Variants in ZFHX3 observed in about 807,000 individuals in gnomAD.
ZFHX3 encodes zinc finger homeobox protein 3.
Under a neutral mutation model 279.1 loss-of-function variants are expected in ZFHX3, and 42 were observed. The ratio of observed to expected loss-of-function variants is 0.15; its 90% CI spans 0.12 to 0.19. The LOEUF is 0.19. ZFHX3 is among the 10% of genes least tolerant of loss of function. ZFHX3 has a pLI of 1.00. For missense variants in ZFHX3, 4,981 were observed against 4,754.0 expected, an observed-to-expected ratio of 1.05 and a Z score of -1.40; for synonymous variants, 2,293 against 1,957.8, an observed-to-expected ratio of 1.17 and a Z score of -4.52.
chr16:73,530,113 G>T (rs971689514), intron 2 of ZFHX3, among the ~76,000 whole-genome samples: 3 of 152,188 alleles, frequency 2.0e-5, no homozygotes, highest in Non-Finnish European at 4.4e-5. Flanking sequence ...CGTGGCTGGG[G>T]AGGCCTCACA....
chr16:73,748,049 G>T (rs1483264782), intron 1 of ZFHX3, among the ~76,000 whole-genome samples: 1 of 152,052 alleles, frequency 6.6e-6, no homozygotes, highest in Non-Finnish European at 1.5e-5. Context: ...AAAGATGTTG[G>T]GGATAATAGT....
intron 5 of ZFHX3, among the ~76,000 whole-genome samples, chr16:73,213,876 C>T: frequency 6.6e-6 from 1 of 152,178 alleles, no homozygotes. Flanking sequence ...GAAGATGGCT[C>T]TCCTATTCCT....
chr16:73,200,672 C>T (rs927847042), intron 5 of ZFHX3, among the ~76,000 whole-genome samples: 1 of 152,118 alleles, frequency 6.6e-6, no homozygotes, highest in African/African-American at 2.4e-5. Flanking sequence ...AAACAATGAA[C>T]CTAACCAATT....
chr16:72,883,003 T>G (rs952686257), intron 4 of ZFHX3, among the ~76,000 whole-genome samples: 9 of 138,184 alleles, frequency 6.5e-5, no homozygotes, highest in Non-Finnish European at 6.3e-5. Context: ...TGTGTGTGTG[T>G]GTGTGTGTGT....
At chr16:72,926,582 G>A (rs1051784177) in intron 3 of ZFHX3, among the ~76,000 whole-genome samples, 13 of 152,196 alleles carry the variant, frequency 8.5e-5, no homozygotes, top group Non-Finnish European at 1.6e-4. Flanking sequence ...GATACTAATT[G>A]TTTTAATATG....
chr16:73,255,691 A>G (rs2013644177), intron 5 of ZFHX3, among the ~76,000 whole-genome samples: 1 of 152,188 alleles, frequency 6.6e-6, no homozygotes, highest in African/African-American at 2.4e-5. Context: ...TTGTATTTCA[A>G]AGCCAGGATT....
At chr16:73,524,733 G>A (rs1358059577) in intron 2 of ZFHX3, among the ~76,000 whole-genome samples, 2 of 152,160 alleles carry the variant, frequency 1.3e-5, no homozygotes, top group Non-Finnish European at 2.9e-5. Flanking sequence ...CTCTAGATGC[G>A]ACTCTTATTA....
intron 4 of ZFHX3, among the ~76,000 whole-genome samples, chr16:72,861,045 G>A (rs2037878006): frequency 6.6e-6 from 1 of 152,126 alleles, no homozygotes. Flanking sequence ...GTCAGCAGAT[G>A]CTTTTCTCAC....
intron 2 of ZFHX3, among the ~76,000 whole-genome samples, chr16:73,626,938 G>A (rs77210119): frequency 0.052 from 7,946 of 152,156 alleles, 724 homozygotes; most frequent in African/African-American, 0.18. Flanking sequence ...TAGCATCTGG[G>A]ATAAAGAGGG....
chr16:73,096,738 G>A (rs1966168932), intron 7 of ZFHX3, among the ~76,000 whole-genome samples: 1 of 152,000 alleles, frequency 6.6e-6, no homozygotes, highest in Non-Finnish European at 1.5e-5. Flanking sequence ...TTCTGATGGT[G>A]GGAAGGGAGT....
chr16:73,326,975 C>T (rs1597285708), intron 3 of ZFHX3, among the ~76,000 whole-genome samples: 1 of 152,294 alleles, frequency 6.6e-6, no homozygotes, highest in Admixed American at 6.5e-5. Flanking sequence ...AAGAATAGGA[C>T]ATAAACATTC....
At chr16:72,852,760 T>C (rs541749225) in intron 4 of ZFHX3, among the ~76,000 whole-genome samples, 5 of 152,338 alleles carry the variant, frequency 3.3e-5, no homozygotes, top group African/African-American at 7.2e-5. Flanking sequence ...AGAGTGGCAG[T>C]TGATAACCTA....
At chr16:73,824,172 C>T (rs993139815) in intron 1 of ZFHX3, among the ~76,000 whole-genome samples, 2 of 152,150 alleles carry the variant, frequency 1.3e-5, no homozygotes, top group South Asian at 2.1e-4. Context: ...TCCTACTGTG[C>T]TTTGGAAATC....
chr16:73,386,167 T>C (rs2016898404), intron 3 of ZFHX3, among the ~76,000 whole-genome samples: 1 of 151,452 alleles, frequency 6.6e-6, no homozygotes, highest in Non-Finnish European at 1.5e-5. Flanking sequence ...ACTCTCGCTC[T>C]CTTTCTCTCT....
Position 73,127,439 on chromosome 16 carries a change from C to A in ZFHX3, c.-897+3529G>T, listed in dbSNP as rs111698259. On this transcript the variant is annotated intron_variant, in intron 7 of 17. Coordinates refer to the ZFHX3 transcript ENST00000641206. The stretch of plus-strand genomic sequence containing the variant: ...GGTAGTAGCTGGAGCATCTCTGTTC[C>A]GGAACTGAGACATCAAGCGAGAGCC... 209 of 1,305,360 alleles carry A rather than the reference C, an allele frequency of 1.6e-4. 2 individuals are homozygous for A. The African/African-American group carries it at 2.5e-3, about 16-fold the overall frequency. 80.9% of individuals were successfully genotyped at this position (1,305,360 alleles called of 1,614,324 possible).
chr16:73,587,755 T>G (rs2051942628), intron 2 of ZFHX3, among the ~76,000 whole-genome samples: 1 of 152,218 alleles, frequency 6.6e-6, no homozygotes, highest in Non-Finnish European at 1.5e-5. Context: ...ATGTCAAATT[T>G]TATTAAAATG....
At chr16:73,395,415 G>T (rs1382906539) in intron 3 of ZFHX3, among the ~76,000 whole-genome samples, 1 of 151,296 alleles carries the variant, frequency 6.6e-6, no homozygotes, top group African/African-American at 2.4e-5. Flanking sequence ...AGTGAGCCGA[G>T]ATCACACCAC....
chr16:72,812,819 T>C (rs1205662202), intron 5 of ZFHX3, among the ~76,000 whole-genome samples: 1 of 152,096 alleles, frequency 6.6e-6, no homozygotes, highest in Non-Finnish European at 1.5e-5. Flanking sequence ...GAGTGGCCCA[T>C]GAGGATTGAG....
At chr16:73,865,408 G>T (rs1961986879) in intron 1 of ZFHX3, among the ~76,000 whole-genome samples, 1 of 152,136 alleles carries the variant, frequency 6.6e-6, no homozygotes, top group African/African-American at 2.4e-5. Context: ...GCCGGTGTGG[G>T]GTGGGCATGA....
Sources: allele counts gnomAD v4.1 joint callset (sites outside exome capture counted in the v4.1 genomes callset), GRCh38; gene constraint gnomAD v4.1.1; transcripts MANE v1.5; gene names NCBI Gene and HGNC (gene_info 2026-07-23, HGNC 2026-07-21).